The following ADGRD1 variants were observed in gnomAD, a reference collection of about 807,000 sequenced individuals.
ADGRD1 encodes the protein G-protein coupled receptor 133.
ADGRD1 carries 77 observed loss-of-function variants against 113.4 expected under a neutral mutation model. The ratio of observed to expected loss-of-function variants is 0.68; its 90% CI spans 0.57 to 0.82. The LOEUF is 0.82. Ranked by LOEUF, ADGRD1 falls within the 40% of genes least tolerant of loss-of-function variation. ADGRD1 has a pLI of 0.00. For missense variants in ADGRD1, 1,036 were observed against 1,139.1 expected, an observed-to-expected ratio of 0.91 and a Z score of 1.30; for synonymous variants, 474 against 475.0, an observed-to-expected ratio of 1.00 and a Z score of 0.03.
rs1047393089 is a variant in ADGRD1 at position 131,131,928 on chromosome 12, C to T, written c.2267+112C>T. The T allele has an allele frequency of 9.1e-5, 64 of 706,904 alleles. No homozygotes were observed. The East Asian group carries it at 1.7e-3, about 18-fold the overall frequency. 43.8% of individuals were successfully genotyped at this position (706,904 alleles called of 1,614,324 possible). On this transcript the variant is annotated intron_variant, in intron 21 of 24. Coordinates refer to ENST00000261654, the MANE Select transcript of ADGRD1 (RefSeq NM_198827.5). ...GCCTCCTGTGGCCGGCACCAAAGTC[C>T]TCCACTTGCTCCGTGTCCCTGCCAT... is the stretch of plus-strand genomic sequence containing the variant.
At position 131,006,088 on chromosome 12, in the gene ADGRD1, G is replaced by C. The variant is rs113024418; in HGVS notation, c.1331+41G>C. On this transcript the variant is annotated intron_variant, in intron 12 of 24. Transcript: ENST00000261654. ...GCTCAGCTCAGGGGCGTGGGTGTGC[G>C]TGGGTTTGCTGGGTGGCTGGCCACA... is the stretch of plus-strand genomic sequence containing the variant. 8.8e-4 allele frequency: 1,374 copies of C among 1,563,822 alleles called. 15 individuals are homozygous for C. In the African/African-American group the frequency reaches 0.016, roughly 19 times the overall value.
At chr12:131,123,678 T>C (rs995622447) in intron 20 of ADGRD1, among the ~76,000 whole-genome samples, 3 of 151,814 alleles carry the variant, frequency 2.0e-5, no homozygotes, top group African/African-American at 7.3e-5. Context: ...AAAAATTAGC[T>C]GGGCGTGGTG....
intron 8 of ADGRD1, among the ~76,000 whole-genome samples, chr12:130,996,806 C>T (rs1175992608): frequency 6.2e-4 from 65 of 104,734 alleles, no homozygotes; most frequent in Admixed American, 8.5e-4. Context: ...CCTCACCTCC[C>T]GGACGGGGCG....
chr12:131,042,330 G>A (rs897516190), intron 13 of ADGRD1, among the ~76,000 whole-genome samples: 32 of 152,152 alleles, frequency 2.1e-4, no homozygotes, highest in African/African-American at 7.7e-4. Flanking sequence ...TGAGCCTCAG[G>A]TTCCGGAGCC....
At chr12:131,138,086 G>T in intron 23 of ADGRD1, 51 bp from the exon 24 acceptor site, 1 of 1,464,982 alleles carries the variant, frequency 6.8e-7, no homozygotes, top group South Asian at 1.1e-5. Context: ...CTCTGGTTAC[G>T]GCTGTTGCAG....
intron 4 of ADGRD1, among the ~76,000 whole-genome samples, chr12:130,974,828 G>A (rs925225366): frequency 2.0e-5 from 3 of 151,714 alleles, no homozygotes; most frequent in Admixed American, 6.6e-5. Context: ...CCCCGCTCCC[G>A]GCCCTCCCTC....
rs1555270132 is a variant in ADGRD1, at chr12:131,139,311, C to CCT, written c.*49_*50insTC. ...CAGGCTGCGCTCAGAACACACCCCC[C>CCT]CAAACAGAATGAAATGCCCCACCTT... On this transcript the variant is annotated 3_prime_UTR_variant, in exon 25 of 25. Transcript: ENST00000261654. 2 of 1,307,078 alleles carry CCT rather than the reference C, an allele frequency of 1.5e-6. No homozygotes were observed. The highest frequency in any genetic ancestry group is 2.2e-6 in the Non-Finnish European group (2 of 919,250). 81.0% of individuals were successfully genotyped at this position (1,307,078 alleles called of 1,614,324 possible).
intron 13 of ADGRD1, among the ~76,000 whole-genome samples, chr12:131,051,426 T>A (rs1178279818): frequency 6.6e-6 from 1 of 152,140 alleles, no homozygotes; most frequent in Non-Finnish European, 1.5e-5. Context: ...CATATAATGT[T>A]CTGGAGGAGA....
chr12:130,992,139 TAAAA>T (rs1874487069), intron 7 of ADGRD1, 94 bp from the exon 8 acceptor site: 2 of 875,442 alleles, frequency 2.3e-6, no homozygotes, highest in Admixed American at 2.7e-5. Context: ...AAAAAAAAAT[TAAAA>T]AAAGCATTCG....
At chr12:130,976,813 A>C (rs2177936) in intron 4 of ADGRD1, 1 of 151,442 alleles carries the variant, frequency 6.6e-6, no homozygotes, top group East Asian at 1.9e-4. Flanking sequence ...TTTGAACCCA[A>C]GAGTTTCAGA....
intron 11 of ADGRD1, among the ~76,000 whole-genome samples, chr12:131,005,165 G>A (rs1263769561): frequency 6.6e-6 from 1 of 152,176 alleles, no homozygotes; most frequent in Non-Finnish European, 1.5e-5. Flanking sequence ...CTGGTTCTCT[G>A]CCCTGTCCTC....
At chr12:130,957,264 T>C (rs1446304603) in intron 2 of ADGRD1, 1 of 152,224 alleles carries the variant, frequency 6.6e-6, no homozygotes, top group Non-Finnish European at 1.5e-5. Flanking sequence ...CACATCCACA[T>C]GCATCCACAC....
At chr12:131,037,441 T>TACTCACTGCATGGGGCCTC (rs1418335716) in intron 13 of ADGRD1, among the ~76,000 whole-genome samples, 4 of 131,714 alleles carry the variant, frequency 3.0e-5, no homozygotes, top group African/African-American at 1.2e-4. Context: ...ACCAGGATCT[T>TACTCACTGCATGGGGCCTC]ACTCACTGCA....
At chr12:131,089,656 TGCTCCCTGCCTATGGGG>T (rs1025941858) in intron 15 of ADGRD1, among the ~76,000 whole-genome samples, 3 of 152,140 alleles carry the variant, frequency 2.0e-5, no homozygotes, top group Admixed American at 6.5e-5. Flanking sequence ...GCCTGGAAGG[TGCTCCCTGCCTATGGGG>T]GCTCCCTGCC....
At chr12:131,139,030 C>A in intron 24 of ADGRD1, 138 bp from the exon 25 acceptor site, 1 of 635,118 alleles carries the variant, frequency 1.6e-6, no homozygotes, top group Non-Finnish European at 2.8e-6. Context: ...AGCATGGGGG[C>A]TCCCTTCTCT....
At chr12:131,001,139 G>A (rs1876337749) in intron 9 of ADGRD1, among the ~76,000 whole-genome samples, 1 of 151,572 alleles carries the variant, frequency 6.6e-6, no homozygotes, top group Admixed American at 6.6e-5. Flanking sequence ...AGCTTTTTAT[G>A]TTAAAAGTCA....
intron 12 of ADGRD1, among the ~76,000 whole-genome samples, chr12:131,008,470 C>G (rs1425083661): frequency 2.0e-5 from 3 of 152,224 alleles, no homozygotes; most frequent in African/African-American, 7.2e-5. Flanking sequence ...GGGTGAGGGT[C>G]TAAGTCAGTA....
At chr12:131,125,479 C>T (rs1950718498) in intron 20 of ADGRD1, among the ~76,000 whole-genome samples, 1 of 151,930 alleles carries the variant, frequency 6.6e-6, no homozygotes, top group Non-Finnish European at 1.5e-5. Flanking sequence ...TATGTGTCTA[C>T]ATAGAGACAG....
intron 12 of ADGRD1, among the ~76,000 whole-genome samples, chr12:131,008,505 G>C (rs1877463400): frequency 6.6e-6 from 1 of 152,200 alleles, no homozygotes; most frequent in Non-Finnish European, 1.5e-5. Flanking sequence ...CACAAAGGGT[G>C]GGGCCTGGGC....
Sources: gnomAD v4.1 joint callset for allele counts (sites outside exome capture counted in the v4.1 genomes callset) on GRCh38, gnomAD v4.1.1 for gene constraint, MANE v1.5 for transcripts, NCBI Gene and HGNC (gene_info 2026-07-23, HGNC 2026-07-21) for gene names.